The following LRRC37A2 variants were observed in gnomAD, a reference collection of about 807,000 sequenced individuals.
LRRC37A2 encodes the protein leucine-rich repeat-containing protein 37A2.
Under a neutral mutation model 68.8 loss-of-function variants are expected in LRRC37A2, and 9 were observed. The ratio of observed to expected loss-of-function variants is 0.13; its 90% CI spans 0.08 to 0.23. The LOEUF is 0.23. LRRC37A2 is among the 10% of genes least tolerant of loss of function. The probability of loss-of-function intolerance (pLI) is 1.00; values close to 1 mark genes in which losing one functional copy is unlikely to be tolerated. For missense variants in LRRC37A2, 168 were observed against 950.4 expected, an observed-to-expected ratio of 0.18 and a Z score of 10.82; for synonymous variants, 63 against 367.6, an observed-to-expected ratio of 0.17 and a Z score of 9.48.
the LRRC37A2 span, among the ~76,000 whole-genome samples, chr17:46,793,145 C>T: frequency 6.6e-6 from 1 of 151,208 alleles, no homozygotes. Flanking sequence ...ATGGTGGTGA[C>T]CACCTGTAGT....
the LRRC37A2 span, among the ~76,000 whole-genome samples, chr17:46,961,313 G>C: frequency 6.6e-6 from 1 of 152,178 alleles, no homozygotes; most frequent in Non-Finnish European, 1.5e-5. Context: ...TGAGGCAGGA[G>C]GATCTCTTGA....
At chr17:46,533,672 T>C (rs2054090107) in intron 6 of LRRC37A2, among the ~76,000 whole-genome samples, 1 of 73,124 alleles carries the variant, frequency 1.4e-5, no homozygotes, top group Non-Finnish European at 2.2e-5. Context: ...CAGCTAATTT[T>C]TGTATTTTTA....
At chr17:46,737,669 A>C in the LRRC37A2 span, among the ~76,000 whole-genome samples, 1 of 151,982 alleles carries the variant, frequency 6.6e-6, no homozygotes, top group Non-Finnish European at 1.5e-5. Context: ...AAAGATGTGA[A>C]AACATGATGC....
chr17:46,732,660 A>G, the LRRC37A2 span, among the ~76,000 whole-genome samples: 1 of 152,198 alleles, frequency 6.6e-6, no homozygotes, highest in Non-Finnish European at 1.5e-5. Context: ...AGTGAAAAAC[A>G]TCATCACATT....
the LRRC37A2 span, among the ~76,000 whole-genome samples, chr17:46,827,041 T>C: frequency 6.6e-6 from 1 of 152,056 alleles, no homozygotes; most frequent in African/African-American, 2.4e-5. Context: ...CTTCCCAGAG[T>C]GTTGGGATTA....
At chr17:46,869,382 C>A in the LRRC37A2 span, among the ~76,000 whole-genome samples, 1 of 152,174 alleles carries the variant, frequency 6.6e-6, no homozygotes, top group Non-Finnish European at 1.5e-5. Context: ...ACCCATTGCT[C>A]CCTCCAGGGT....
At chr17:46,449,760 T>C in the LRRC37A2 span, among the ~76,000 whole-genome samples, 3 of 106,266 alleles carry the variant, frequency 2.8e-5, 1 homozygote. Flanking sequence ...ATTTTCTTTT[T>C]TTTTTTTTTT....
At chr17:46,993,884 A>T in the LRRC37A2 span, among the ~76,000 whole-genome samples, 2 of 151,666 alleles carry the variant, frequency 1.3e-5, no homozygotes, top group African/African-American at 4.8e-5. Flanking sequence ...AGGCTCAGAG[A>T]GTTGAAGGAA....
the LRRC37A2 span, among the ~76,000 whole-genome samples, chr17:46,605,403 G>A: frequency 4.3e-5 from 6 of 141,176 alleles, no homozygotes; most frequent in South Asian, 7.3e-4. Context: ...AGCCGAGATC[G>A]TGCCATTGCA....
At chr17:46,771,109 T>C in the LRRC37A2 span, among the ~76,000 whole-genome samples, 13 of 152,190 alleles carry the variant, frequency 8.5e-5, no homozygotes, top group African/African-American at 3.1e-4. Context: ...GGGACCCCTC[T>C]TGGCTCCCGC....
chr17:46,872,924 T>C, the LRRC37A2 span: 1 of 1,020,460 alleles, frequency 9.8e-7, no homozygotes, highest in Non-Finnish European at 1.4e-6. Flanking sequence ...ATGAGAAGAG[T>C]CACAAGAGTT....
chr17:46,778,998 C>T, the LRRC37A2 span, among the ~76,000 whole-genome samples: 10 of 147,640 alleles, frequency 6.8e-5, no homozygotes, highest in African/African-American at 2.5e-4. Flanking sequence ...TCTCAGTCTC[C>T]AAGAAGAGAG....
At chr17:47,015,955 T>C in the LRRC37A2 span, among the ~76,000 whole-genome samples, 1 of 151,944 alleles carries the variant, frequency 6.6e-6, no homozygotes, top group Non-Finnish European at 1.5e-5. Context: ...TTTTATTTTA[T>C]TTTTTTGAGA....
chr17:46,887,795 T>G, the LRRC37A2 span, among the ~76,000 whole-genome samples: 37 of 142,832 alleles, frequency 2.6e-4, no homozygotes, highest in African/African-American at 9.4e-4. Flanking sequence ...GAAAGAAATC[T>G]CTGAGAGAGA....
At chr17:46,380,900 C>A in the LRRC37A2 span, among the ~76,000 whole-genome samples, 1 of 8,734 alleles carries the variant, frequency 1.1e-4, no homozygotes, top group African/African-American at 1.3e-4. Context: ...ACCATCCCGG[C>A]TAAAACGGTG....
the LRRC37A2 span, among the ~76,000 whole-genome samples, chr17:46,974,561 C>T: frequency 2.0e-5 from 3 of 152,034 alleles, no homozygotes; most frequent in East Asian, 1.9e-4. Flanking sequence ...GGTGAAACCC[C>T]GTCTCTACTA....
At chr17:46,995,336 T>C in the LRRC37A2 span, among the ~76,000 whole-genome samples, 3 of 152,212 alleles carry the variant, frequency 2.0e-5, no homozygotes, top group Non-Finnish European at 2.9e-5. Flanking sequence ...CTCTGCCTTG[T>C]GTCATAATTT....
At chr17:46,739,708 C>T in the LRRC37A2 span, among the ~76,000 whole-genome samples, 1 of 150,176 alleles carries the variant, frequency 6.7e-6, no homozygotes, top group Admixed American at 6.7e-5. Flanking sequence ...ATATTTTCTT[C>T]CACCAAAAAG....
the LRRC37A2 span, among the ~76,000 whole-genome samples, chr17:46,904,490 A>G: frequency 7.1e-6 from 1 of 139,986 alleles, no homozygotes; most frequent in African/African-American, 2.8e-5. Context: ...GGATGGATGG[A>G]TGGGTGGATG....
Sources: gnomAD v4.1 joint callset for allele counts (sites outside exome capture counted in the v4.1 genomes callset) on GRCh38, gnomAD v4.1.1 for gene constraint, MANE v1.5 for transcripts, NCBI Gene and HGNC (gene_info 2026-07-23, HGNC 2026-07-21) for gene names.